The following TNKS variants were observed in gnomAD, a reference collection of about 807,000 sequenced individuals.
TNKS encodes the protein poly [ADP-ribose] polymerase tankyrase-1.
Under a neutral mutation model 135.8 loss-of-function variants are expected in TNKS, and 72 were observed. That is an observed-to-expected ratio of 0.53 (90% CI 0.44 to 0.64). TNKS has a LOEUF of 0.64. TNKS is among the 30% of genes least tolerant of loss of function. The pLI is 0.00. For synonymous variants in TNKS, 849 were observed against 649.3 expected, an observed-to-expected ratio of 1.31 and a Z score of -4.68; for missense variants, 1,769 against 1,674.0, an observed-to-expected ratio of 1.06 and a Z score of -0.99.
chr8:9,766,157 C>G, intron 24 of TNKS, 82 bp from the exon 25 acceptor site: 1 of 1,201,902 alleles, frequency 8.3e-7, no homozygotes, highest in Non-Finnish European at 1.2e-6. Context: ...TAATATTAAC[C>G]TGCCCGATGC....
At chr8:9,727,226 C>T (rs754970554) in intron 13 of TNKS, among the ~76,000 whole-genome samples, 1 of 152,138 alleles carries the variant, frequency 6.6e-6, no homozygotes, top group Non-Finnish European at 1.5e-5. Flanking sequence ...TAGATTTTTT[C>T]CCTGTGTAGC....
intron 1 of TNKS, among the ~76,000 whole-genome samples, chr8:9,577,604 A>G (rs1323776963): frequency 2.0e-5 from 3 of 152,140 alleles, no homozygotes; most frequent in Admixed American, 6.5e-5. Flanking sequence ...AGAACTCACT[A>G]TTACGAGAAC....
At chr8:9,684,902 T>C (rs1475990711) in intron 5 of TNKS, among the ~76,000 whole-genome samples, 4 of 152,166 alleles carry the variant, frequency 2.6e-5, no homozygotes, top group African/African-American at 9.6e-5. Context: ...TGATACAGTA[T>C]TCCTTTTGCG....
At chr8:9,619,278 A>T (rs1423687126) in intron 3 of TNKS, among the ~76,000 whole-genome samples, 1 of 152,126 alleles carries the variant, frequency 6.6e-6, no homozygotes, top group African/African-American at 2.4e-5. Flanking sequence ...TGACAAAGGG[A>T]ATGTTTGTTG....
At chr8:9,676,883 A>C (rs183699695) in intron 3 of TNKS, among the ~76,000 whole-genome samples, 1 of 152,298 alleles carries the variant, frequency 6.6e-6, no homozygotes, top group East Asian at 1.9e-4. Flanking sequence ...GGTTGCTATT[A>C]TCTTGACTAT....
chr8:9,608,905 C>T (rs1799337815), intron 2 of TNKS, among the ~76,000 whole-genome samples: 1 of 152,160 alleles, frequency 6.6e-6, no homozygotes. Flanking sequence ...CAGTTAGTTG[C>T]TTCATCTATT....
At chr8:9,632,606 T>C (rs1800334598) in intron 3 of TNKS, among the ~76,000 whole-genome samples, 2 of 152,236 alleles carry the variant, frequency 1.3e-5, no homozygotes, top group Admixed American at 1.3e-4. Context: ...TAGAAATTGG[T>C]ATAGCATTTC....
At chr8:9,607,863 C>CT (rs1563113112) in intron 2 of TNKS, among the ~76,000 whole-genome samples, 6 of 151,920 alleles carry the variant, frequency 3.9e-5, no homozygotes, top group South Asian at 2.1e-4. Flanking sequence ...TGAAACACTC[C>CT]TTTTTTTTGA....
intron 3 of TNKS, among the ~76,000 whole-genome samples, chr8:9,631,787 T>G (rs1800300340): frequency 6.6e-6 from 1 of 151,306 alleles, no homozygotes; most frequent in South Asian, 2.1e-4. Context: ...CAAGAAAAAG[T>G]GTCAAGTTTT....
chr8:9,684,978 G>A (rs1802928352), intron 5 of TNKS, among the ~76,000 whole-genome samples: 1 of 151,984 alleles, frequency 6.6e-6, no homozygotes, highest in Non-Finnish European at 1.5e-5. Flanking sequence ...TAGTTTTAAC[G>A]CTTTAGTATT....
chr8:9,598,761 GTGTGTATATATATATA>G (rs1798894949), intron 2 of TNKS, among the ~76,000 whole-genome samples: 2 of 67,252 alleles, frequency 3.0e-5, no homozygotes, highest in African/African-American at 1.1e-4. Context: ...GTATATGTGT[GTGTGTATATATATATA>G]TATATATATA....
In TNKS at chr8:9,556,271, C is replaced by T. The variant is rs1163830480; in HGVS notation, c.332C>T (p.Ser111Leu). The part of the protein sequence containing the change: ...AAPVVPAVST[S>L]SAAGVAPNPA... ...CCCGTGGTCCCAGCGGTTTCTACTTCATCTGCCGCTGGGGTCGCTCCCAAC... is the reference window on the plus strand; with the variant it reads ...CCCGTGGTCCCAGCGGTTTCTACTTTATCTGCCGCTGGGGTCGCTCCCAAC... The change falls in exon 1 of 27, where the codon TCA becomes TTA. Residue 111 changes from serine (S) to leucine (L), a missense_variant. Physicochemically the swap from Ser to Leu is moderately radical, Grantham distance 145. Coordinates refer to ENST00000310430, the MANE Select transcript of TNKS (RefSeq NM_003747.3). The T allele has an allele frequency of 1.2e-6, 2 of 1,614,164 alleles. No individual in the cohort carries two copies. The highest frequency in any genetic ancestry group is 2.7e-5 in the African/African-American group (2 of 74,960).
At chr8:9,748,477 C>G (rs1052557710) in intron 18 of TNKS, among the ~76,000 whole-genome samples, 4 of 152,154 alleles carry the variant, frequency 2.6e-5, no homozygotes, top group Non-Finnish European at 5.9e-5. Context: ...TTAGAGTGTA[C>G]CCTCAAAGAA....
rs1039572849 is a variant in TNKS, at chr8:9,776,873, G to T, written c.*137G>T. On this transcript the variant is annotated 3_prime_UTR_variant, in exon 27 of 27. Transcript: ENST00000310430. ...AGCTGTTTGTCTTCTATAAAGCATT[G>T]CTATAGTGATGAATAGTATGAGTAA... The T allele has an allele frequency of 3.9e-6, 3 of 762,758 alleles. No individual in the cohort carries two copies. In the East Asian group the frequency reaches 8.0e-5, roughly 20 times the overall value. 47.2% of individuals were successfully genotyped at this position (762,758 alleles called of 1,614,324 possible). A position where few individuals can be genotyped will look rare whatever the true frequency, so the allele number is the denominator to read the frequency against.
intron 3 of TNKS, among the ~76,000 whole-genome samples, chr8:9,669,037 G>T (rs2128791847): frequency 6.6e-6 from 1 of 152,196 alleles, no homozygotes; most frequent in East Asian, 1.9e-4. Context: ...TAGAGACAAG[G>T]GATTAAGGAG....
At chr8:9,716,114 A>C (rs1415627009) in intron 11 of TNKS, among the ~76,000 whole-genome samples, 1 of 152,222 alleles carries the variant, frequency 6.6e-6, no homozygotes, top group African/African-American at 2.4e-5. Flanking sequence ...GTTCATATTC[A>C]TATGTCTTAA....
chr8:9,616,787 T>G (rs1464298868), intron 3 of TNKS, among the ~76,000 whole-genome samples: 1 of 152,130 alleles, frequency 6.6e-6, no homozygotes, highest in African/African-American at 2.4e-5. Flanking sequence ...TACACTAGAG[T>G]AATAAACCTA....
At chr8:9,774,693 G>A (rs150846057) in intron 26 of TNKS, among the ~76,000 whole-genome samples, 25 of 152,144 alleles carry the variant, frequency 1.6e-4, no homozygotes, top group African/African-American at 5.1e-4. Context: ...ATTAGGAACC[G>A]GGAGCATTTA....
chr8:9,778,683 TC>T lies in TNKS; in HGVS notation c.*1951del, dbSNP rs1179094499. 1 of 152,600 alleles carries T rather than the reference TC, an allele frequency of 6.6e-6. No homozygotes were observed. The highest frequency in any genetic ancestry group is 6.5e-5 in the Admixed American group (1 of 15,276). 9.5% of individuals were successfully genotyped at this position (152,600 alleles called of 1,614,324 possible). A position where few individuals can be genotyped will look rare whatever the true frequency, so the allele number is the denominator to read the frequency against. On this transcript the variant is annotated 3_prime_UTR_variant, in exon 27 of 27. Coordinates refer to ENST00000310430, the MANE Select transcript of TNKS (RefSeq NM_003747.3). ...TGATATTCATTAAGAGGGCTTTTTT[TC>T]CCCTTCTTTCCTTCTCTTTTGCTGT...
Sources: allele counts gnomAD v4.1 joint callset (sites outside exome capture counted in the v4.1 genomes callset), GRCh38; gene constraint gnomAD v4.1.1; transcripts MANE v1.5; gene names NCBI Gene and HGNC (gene_info 2026-07-23, HGNC 2026-07-21).